The following HFM1 variants were observed in gnomAD, a reference collection of about 807,000 sequenced individuals.
HFM1 encodes probable ATP-dependent DNA helicase HFM1.
In HFM1, 169 loss-of-function variants were observed where a neutral mutation model predicts 192.1. The ratio of observed to expected loss-of-function variants is 0.88; its 90% CI spans 0.78 to 1.00. The LOEUF (loss-of-function observed/expected upper bound fraction) is 1.00. Among genes scored for constraint, HFM1 ranks in the 50% least tolerant of loss-of-function variants. The pLI, the probability that HFM1 is intolerant of heterozygous loss-of-function variation, is 0.00. For synonymous variants in HFM1, 525 were observed against 537.8 expected (o/e 0.98, Z 0.33); for missense variants, 1,661 against 1,668.0 (o/e 1.00, Z 0.07).
At chr1:91,377,661 C>T (rs1222505193) in intron 11 of HFM1, 6 of 217,762 alleles carry the variant, frequency 2.8e-5, no homozygotes, top group Non-Finnish European at 8.9e-6. Flanking sequence ...AAGTGGTAAT[C>T]ATCTAAGCAA....
At chr1:91,342,609 T>C (rs1655518430) in intron 20 of HFM1, among the ~76,000 whole-genome samples, 1 of 152,202 alleles carries the variant, frequency 6.6e-6, no homozygotes, top group Admixed American at 6.5e-5. Context: ...AACCATTTCT[T>C]TGGGTCTTCA....
chr1:91,271,409 A>G (rs12566911), intron 34 of HFM1, among the ~76,000 whole-genome samples: 30,722 of 152,054 alleles, frequency 0.2, 3,872 homozygotes, highest in South Asian at 0.35. Context: ...ACTTGAGACA[A>G]TTGGTTCCTT....
rs752695113 is a variant in HFM1, at chr1:91,323,160, G to A, written c.2467C>T (p.Gln823Ter). Residue 823 changes from glutamine to a stop codon, truncating the protein, a stop_gained, in exon 22 of 39, where the codon CAG becomes TAG. Transcript: ENST00000370425. LOFTEE classifies it high-confidence loss of function. ...GTTTTCTTTTCATTTATCCTTAACT[G>A]TATATCTAGAAATTCCTTGCAGCCA... ...IAGCKEFLDI[Q>*]LRINEKKTLN... is the part of the protein sequence containing the mutation. The A allele has an allele frequency of 1.3e-6, 2 of 1,591,528 alleles. No homozygotes were observed. Among genetic ancestry groups the A allele is most frequent in the Non-Finnish European group, 1.7e-6 (2 of 1,163,396 alleles).
chr1:91,298,332 A>T (rs555612021), intron 30 of HFM1, among the ~76,000 whole-genome samples: 6 of 152,222 alleles, frequency 3.9e-5, no homozygotes, highest in Non-Finnish European at 5.9e-5. Flanking sequence ...TGAAAGTCAC[A>T]GGGAGAATGG....
intron 20 of HFM1, among the ~76,000 whole-genome samples, chr1:91,338,356 G>A (rs958171101): frequency 7.2e-5 from 11 of 152,278 alleles, no homozygotes; most frequent in African/African-American, 2.4e-4. Flanking sequence ...CCTAGACAGA[G>A]CAGGGCAGTC....
rs1651242869 is a variant in HFM1, at chr1:91,316,484, A to G, written c.2813-8T>C. On this transcript the variant is annotated splice_polypyrimidine_tract_variant and splice_region_variant and intron_variant, in intron 25 of 38. Transcript: ENST00000370425. ...CATTTGACAATGTTATACCTGTGGAAAATTAATCAAACAACAACTTAAAAA... is the reference window on the plus strand; with the variant it reads ...CATTTGACAATGTTATACCTGTGGAGAATTAATCAAACAACAACTTAAAAA... 8.4e-6 allele frequency: 11 copies of G among 1,304,212 alleles called. No homozygotes were observed. In the East Asian group the frequency reaches 2.8e-4, roughly 33 times the overall value. 80.8% of individuals were successfully genotyped at this position (1,304,212 alleles called of 1,614,324 possible).
upstream of HFM1, among the ~76,000 whole-genome samples, chr1:91,405,236 G>C (rs1664745027): frequency 6.6e-6 from 1 of 152,132 alleles, no homozygotes; most frequent in African/African-American, 2.4e-5. Context: ...TGGGGAACTT[G>C]ATTCAGAAAT....
intron 20 of HFM1, among the ~76,000 whole-genome samples, chr1:91,331,638 G>A (rs1488858249): frequency 6.6e-6 from 1 of 152,226 alleles, no homozygotes; most frequent in Non-Finnish European, 1.5e-5. Flanking sequence ...GCTCATGCCT[G>A]TAATCCCAGC....
In HFM1 at chr1:91,380,098, A is replaced by T; in HGVS notation, c.1006+6T>A. ...ATTAGTCATCACTCTTATAATAAATACTTACTGTAAACAATTTTAATATTC... is the reference window on the plus strand; with the variant it reads ...ATTAGTCATCACTCTTATAATAAATTCTTACTGTAAACAATTTTAATATTC... On this transcript the variant is annotated splice_donor_region_variant and intron_variant, in intron 8 of 38. Transcript: ENST00000370425. 1 of 1,302,574 alleles carries T rather than the reference A, an allele frequency of 7.7e-7. No individual in the cohort carries two copies. The highest frequency in any genetic ancestry group is 1.1e-6 in the Non-Finnish European group (1 of 945,292). 80.7% of individuals were successfully genotyped at this position (1,302,574 alleles called of 1,614,324 possible).
intron 34 of HFM1, among the ~76,000 whole-genome samples, chr1:91,271,427 GC>G: frequency 6.6e-6 from 1 of 152,182 alleles, no homozygotes; most frequent in Non-Finnish European, 1.5e-5. Flanking sequence ...CTTTTCTTGT[GC>G]TTAAGTCATT....
At chr1:91,386,400 T>C (rs990864601) in intron 4 of HFM1, among the ~76,000 whole-genome samples, 7 of 152,216 alleles carry the variant, frequency 4.6e-5, no homozygotes, top group Non-Finnish European at 1.0e-4. Context: ...TGTCAAGCTT[T>C]CAGATGACTG....
At chr1:91,317,434 C>T (rs915893122) in intron 25 of HFM1, among the ~76,000 whole-genome samples, 5 of 151,630 alleles carry the variant, frequency 3.3e-5, no homozygotes, top group Non-Finnish European at 4.4e-5. Context: ...AAACAAACAA[C>T]AAAAAAAATC....
intron 30 of HFM1, among the ~76,000 whole-genome samples, chr1:91,306,869 A>G (rs1649681720): frequency 1.3e-5 from 2 of 152,176 alleles, no homozygotes; most frequent in African/African-American, 4.8e-5. Context: ...CATTACTAGT[A>G]TCAGACTACT....
intron 3 of HFM1, 147 bp from the exon 4 acceptor site, chr1:91,394,549 T>C (rs1663413578): frequency 8.8e-6 from 5 of 565,554 alleles, no homozygotes; most frequent in Admixed American, 3.4e-5. Flanking sequence ...TAATACCATA[T>C]ACGGTTTTAA....
At chr1:91,353,736 G>C (rs1275780539) in intron 13 of HFM1, among the ~76,000 whole-genome samples, 2 of 149,222 alleles carry the variant, frequency 1.3e-5, no homozygotes, top group African/African-American at 4.9e-5. Context: ...ACTAGGTTAG[G>C]AGGAAGCAAG....
At chr1:91,358,709 G>A (rs1476929165) in intron 13 of HFM1, among the ~76,000 whole-genome samples, 1 of 152,170 alleles carries the variant, frequency 6.6e-6, no homozygotes, top group Non-Finnish European at 1.5e-5. Flanking sequence ...ATAGGGCAAA[G>A]CACCTTGATA....
chr1:91,326,386 A>G (rs1311173313), intron 20 of HFM1, among the ~76,000 whole-genome samples: 3 of 152,164 alleles, frequency 2.0e-5, no homozygotes, highest in Non-Finnish European at 4.4e-5. Flanking sequence ...ACAGCATAGA[A>G]TGGAGCTCCA....
At chr1:91,333,749 C>T (rs554300960) in intron 20 of HFM1, among the ~76,000 whole-genome samples, 327 of 152,020 alleles carry the variant, frequency 2.2e-3, no homozygotes, top group Non-Finnish European at 3.7e-3. Context: ...TACCATTTAC[C>T]GACAAAAATT....
chr1:91,378,200 G>A lies in HFM1; in HGVS notation c.1237-17C>T, dbSNP rs1197666451. ...AATATGTACCTAAGCAGGAAATCAA[G>A]AAAAAATCATTAGCTATAGAATTAA... On this transcript the variant is annotated splice_polypyrimidine_tract_variant and intron_variant, in intron 10 of 38. Coordinates refer to ENST00000370425, the MANE Select transcript of HFM1 (RefSeq NM_001017975.6). 2.6e-6 allele frequency: 4 copies of A among 1,546,594 alleles called. No individual in the cohort carries two copies. Among genetic ancestry groups the A allele is most frequent in the Admixed American group, 2.1e-5 (1 of 48,376 alleles).
Sources: allele counts gnomAD v4.1 joint callset (sites outside exome capture counted in the v4.1 genomes callset), GRCh38; gene constraint gnomAD v4.1.1; transcripts MANE v1.5; gene names NCBI Gene and HGNC (gene_info 2026-07-23, HGNC 2026-07-21).